AOPEP: variants seen among roughly 807,000 people sequenced by gnomAD.
AOPEP encodes the protein aminopeptidase O.
A neutral mutation model predicts 98.1 loss-of-function variants in AOPEP; 77 were observed. The observed-to-expected ratio is 0.78, with a 90% CI of 0.65 to 0.95. The LOEUF (loss-of-function observed/expected upper bound fraction) is 0.95, where lower values mean the gene tolerates loss of function less well. Among genes scored for constraint, AOPEP ranks in the 40% least tolerant of loss-of-function variants. The pLI is 0.00. For synonymous variants in AOPEP, 346 were observed against 365.3 expected (o/e 0.95, Z 0.60); for missense variants, 1,024 against 1,024.7 (o/e 1.00, Z 0.01).
At chr9:94,871,672 TA>T (rs1347204841) in intron 5 of AOPEP, among the ~76,000 whole-genome samples, 1 of 152,190 alleles carries the variant, frequency 6.6e-6, no homozygotes, top group East Asian at 1.9e-4. Flanking sequence ...GAAGTTTGGT[TA>T]ATTTTTTTTT....
chr9:95,138,756 G>A, the AOPEP span, among the ~76,000 whole-genome samples: 1 of 152,324 alleles, frequency 6.6e-6, no homozygotes, highest in East Asian at 1.9e-4. Context: ...CAGGCCGCCA[G>A]GAGCAGCAGC....
At chr9:94,807,986 A>G (rs1849606813) in intron 5 of AOPEP, among the ~76,000 whole-genome samples, 1 of 151,980 alleles carries the variant, frequency 6.6e-6, no homozygotes, top group Non-Finnish European at 1.5e-5. Context: ...CCTTGTCTCT[A>G]CATTTCACCC....
intron 10 of AOPEP, among the ~76,000 whole-genome samples, chr9:94,978,476 T>C (rs2059983890): frequency 6.6e-6 from 1 of 152,116 alleles, no homozygotes; most frequent in Non-Finnish European, 1.5e-5. Context: ...CTAAGTCTAG[T>C]AGTCGAACAA....
chr9:94,817,923 G>A (rs888746449), intron 5 of AOPEP, among the ~76,000 whole-genome samples: 7 of 152,202 alleles, frequency 4.6e-5, no homozygotes, highest in Admixed American at 1.3e-4. Flanking sequence ...TTTTGGCACA[G>A]CTGGTCCCTT....
chr9:94,981,974 G>A (rs2060213623), intron 11 of AOPEP, among the ~76,000 whole-genome samples: 1 of 152,126 alleles, frequency 6.6e-6, no homozygotes, highest in South Asian at 2.1e-4. Flanking sequence ...TTTAAAAAGT[G>A]GAAATAGCTT....
chr9:95,145,290 T>C, the AOPEP span: 6 of 152,152 alleles, frequency 3.9e-5, no homozygotes, highest in African/African-American at 1.4e-4. Flanking sequence ...GTGAAAACAT[T>C]GAAAACACAA....
intron 13 of AOPEP, chr9:95,018,970 C>T (rs1456015199): frequency 6.6e-6 from 1 of 152,080 alleles, no homozygotes; most frequent in Admixed American, 6.6e-5. Flanking sequence ...GCGATGCCAT[C>T]CGTTTGTTTT....
intron 1 of AOPEP, among the ~76,000 whole-genome samples, chr9:94,730,657 A>T (rs1164302512): frequency 1.3e-5 from 2 of 152,248 alleles, no homozygotes; most frequent in Non-Finnish European, 2.9e-5. Flanking sequence ...CACTTTTTCT[A>T]CAAGTAAAAA....
chr9:94,999,792 G>A (rs1262011484), intron 11 of AOPEP, among the ~76,000 whole-genome samples: 1 of 152,118 alleles, frequency 6.6e-6, no homozygotes, highest in Non-Finnish European at 1.5e-5. Context: ...GGGTGTGTGT[G>A]TGTGTGTGCA....
At chr9:95,042,914 A>T (rs1220501305) in intron 13 of AOPEP, among the ~76,000 whole-genome samples, 2 of 152,152 alleles carry the variant, frequency 1.3e-5, no homozygotes, top group African/African-American at 4.8e-5. Context: ...TTGATAATGT[A>T]AAGGGTAGTG....
intron 13 of AOPEP, among the ~76,000 whole-genome samples, chr9:95,043,229 TATATATACAG>T (rs1280400639): frequency 5.3e-5 from 8 of 149,802 alleles, no homozygotes; most frequent in East Asian, 1.9e-4. Context: ...TATATGTGCA[TATATATACAG>T]ATATATACAG....
intron 11 of AOPEP, among the ~76,000 whole-genome samples, chr9:95,002,924 T>C (rs2061657595): frequency 6.6e-6 from 1 of 152,164 alleles, no homozygotes; most frequent in Non-Finnish European, 1.5e-5. Flanking sequence ...GCAATTAGGA[T>C]GGGTCACAGC....
the AOPEP span, among the ~76,000 whole-genome samples, chr9:95,097,747 A>G: frequency 1.3e-5 from 2 of 152,184 alleles, no homozygotes; most frequent in African/African-American, 2.4e-5. Context: ...GGCCTTTGCT[A>G]TGAGCTCTCC....
chr9:94,816,421 C>T (rs993527369), intron 5 of AOPEP, among the ~76,000 whole-genome samples: 3 of 152,136 alleles, frequency 2.0e-5, no homozygotes, highest in African/African-American at 7.2e-5. Context: ...TAGTTGGGTC[C>T]TCTAAAAATT....
intron 10 of AOPEP, among the ~76,000 whole-genome samples, chr9:94,978,131 C>T (rs1185121565): frequency 1.3e-5 from 2 of 152,134 alleles, no homozygotes; most frequent in African/African-American, 2.4e-5. Context: ...CCCACAGGGT[C>T]GCAGAGGGGT....
chr9:94,828,788 A>T (rs959475578), intron 5 of AOPEP, among the ~76,000 whole-genome samples: 1 of 151,540 alleles, frequency 6.6e-6, no homozygotes, highest in Non-Finnish European at 1.5e-5. Flanking sequence ...TACTTTAGTT[A>T]TATAATAAAC....
At chr9:95,067,569 C>T (rs1209893134) in intron 14 of AOPEP, among the ~76,000 whole-genome samples, 4 of 152,310 alleles carry the variant, frequency 2.6e-5, no homozygotes, top group African/African-American at 9.6e-5. Flanking sequence ...ATGGCCTCGG[C>T]TCTCAGGGCA....
At chr9:94,879,222 G>T (rs183010504) in intron 5 of AOPEP, among the ~76,000 whole-genome samples, 2 of 152,202 alleles carry the variant, frequency 1.3e-5, no homozygotes, top group African/African-American at 2.4e-5. Flanking sequence ...TAAAAAGGCC[G>T]TCTAGTACCC....
intron 3 of AOPEP, among the ~76,000 whole-genome samples, chr9:94,773,585 G>A (rs1841372486): frequency 6.6e-6 from 1 of 152,154 alleles, no homozygotes; most frequent in Non-Finnish European, 1.5e-5. Context: ...CTGGCCCACT[G>A]GAGTTGTCTT....
Sources: allele counts gnomAD v4.1 joint callset (sites outside exome capture counted in the v4.1 genomes callset), GRCh38; gene constraint gnomAD v4.1.1; transcripts MANE v1.5; gene names NCBI Gene and HGNC (gene_info 2026-07-23, HGNC 2026-07-21).